Variants in ZNF609 observed in about 807,000 individuals in gnomAD.
ZNF609 encodes the protein zinc finger protein 609.
In ZNF609, 11 loss-of-function variants were observed where a neutral mutation model predicts 109.5. The ratio of observed to expected loss-of-function variants is 0.10; its 90% CI spans 0.06 to 0.17. The LOEUF (loss-of-function observed/expected upper bound fraction) is 0.17, where lower values mean the gene tolerates loss of function less well. Ranked by LOEUF, ZNF609 falls within the 10% of genes least tolerant of loss-of-function variation. The probability of loss-of-function intolerance (pLI) is 1.00; values close to 1 mark genes in which losing one functional copy is unlikely to be tolerated. For missense variants in ZNF609, 1,559 were observed against 1,772.4 expected (o/e 0.88, Z 2.16); for synonymous variants, 646 against 662.0 (o/e 0.98, Z 0.37).
At chr15:64,631,706 ATTTTT>A in intron 3 of ZNF609, 4 of 166,352 alleles carry the variant, frequency 2.4e-5, no homozygotes, top group Non-Finnish European at 4.7e-5. Context: ...CTAATTTTGT[ATTTTT>A]TTTTTTTTTT....
At chr15:64,560,258 G>A (rs1017894715) in intron 2 of ZNF609, among the ~76,000 whole-genome samples, 2 of 152,036 alleles carry the variant, frequency 1.3e-5, no homozygotes, top group African/African-American at 2.4e-5. Context: ...ATGTTGGCCT[G>A]GATGGTCTTG....
At chr15:64,505,092 G>C (rs933234073) in intron 2 of ZNF609, among the ~76,000 whole-genome samples, 2 of 152,144 alleles carry the variant, frequency 1.3e-5, no homozygotes, top group African/African-American at 4.8e-5. Flanking sequence ...AATAAACAAA[G>C]GATCTTTGAG....
chr15:64,667,960 T>G (rs997886454), intron 3 of ZNF609, among the ~76,000 whole-genome samples: 1 of 152,048 alleles, frequency 6.6e-6, no homozygotes. Context: ...GAGGGAAGCT[T>G]TAAGGAGTTG....
At chr15:64,478,993 T>C (rs960782725) in intron 1 of ZNF609, among the ~76,000 whole-genome samples, 4 of 152,208 alleles carry the variant, frequency 2.6e-5, no homozygotes, top group Non-Finnish European at 5.9e-5. Flanking sequence ...GTAAGAGAAC[T>C]TGAACATAGC....
In ZNF609 at chr15:64,538,993, C is replaced by A. The variant is rs149355602; in HGVS notation, c.747+38827C>A. On this transcript the variant is annotated intron_variant, in intron 2 of 9. Transcript: ENST00000326648. The stretch of plus-strand genomic sequence containing the variant: ...GGGGCTACATGCATGCACCACCATG[C>A]CTGACTGGTTTTTGTACATTTTTCT... Among the ~76,000 whole-genome samples, 81 of 151,998 alleles carry A rather than the reference C, an allele frequency of 5.3e-4. No homozygotes were observed. In the East Asian group the frequency reaches 0.012, roughly 23 times the overall value.
chr15:64,514,003 G>A (rs926289453), intron 2 of ZNF609, among the ~76,000 whole-genome samples: 13 of 151,016 alleles, frequency 8.6e-5, no homozygotes, highest in African/African-American at 2.7e-4. Flanking sequence ...GAGGCGGAAG[G>A]ATCACTTGAG....
intron 2 of ZNF609, among the ~76,000 whole-genome samples, chr15:64,503,381 G>C (rs1473728768): frequency 6.6e-6 from 1 of 152,220 alleles, no homozygotes; most frequent in East Asian, 1.9e-4. Context: ...GAGCCTTCCA[G>C]CTCTTGCCTG....
intron 3 of ZNF609, among the ~76,000 whole-genome samples, chr15:64,657,013 C>T (rs1896498682): frequency 6.6e-6 from 1 of 152,168 alleles, no homozygotes; most frequent in African/African-American, 2.4e-5. Flanking sequence ...AATCCCAGCA[C>T]TTTGGGAGGC....
chr15:64,619,635 A>T (rs114319769), intron 2 of ZNF609, among the ~76,000 whole-genome samples: 2 of 152,226 alleles, frequency 1.3e-5, no homozygotes, highest in African/African-American at 4.8e-5. Context: ...AAGTAATTAA[A>T]TAAAGTCATC....
At chr15:64,646,677 G>T (rs1896339979) in intron 3 of ZNF609, among the ~76,000 whole-genome samples, 1 of 143,198 alleles carries the variant, frequency 7.0e-6, no homozygotes. Flanking sequence ...GGTGGCTCAC[G>T]CCTGTAATCC....
chr15:64,565,686 T>C (rs868483467), intron 2 of ZNF609, among the ~76,000 whole-genome samples: 1 of 152,254 alleles, frequency 6.6e-6, no homozygotes, highest in South Asian at 2.1e-4. Flanking sequence ...GTTAGGAAGA[T>C]TACTAGAATA....
At chr15:64,521,395 T>C (rs939168421) in intron 2 of ZNF609, among the ~76,000 whole-genome samples, 3 of 152,302 alleles carry the variant, frequency 2.0e-5, no homozygotes, top group African/African-American at 7.2e-5. Context: ...TGGCTGGATA[T>C]GGAGTAGGGA....
intron 2 of ZNF609, among the ~76,000 whole-genome samples, chr15:64,555,315 C>G (rs569379210): frequency 6.6e-6 from 1 of 152,030 alleles, no homozygotes; most frequent in Admixed American, 6.6e-5. Context: ...TGTAGTGAGC[C>G]GAGATCACGC....
At chr15:64,563,480 A>G (rs1894716747) in intron 2 of ZNF609, among the ~76,000 whole-genome samples, 1 of 152,016 alleles carries the variant, frequency 6.6e-6, no homozygotes, top group Non-Finnish European at 1.5e-5. Context: ...AAAATAACTG[A>G]AAATTTAAAA....
intron 2 of ZNF609, among the ~76,000 whole-genome samples, chr15:64,619,835 C>G (rs1006432091): frequency 4.6e-5 from 7 of 152,184 alleles, no homozygotes; most frequent in African/African-American, 1.7e-4. Context: ...TTGAATGCAA[C>G]AGTGATGTTT....
At chr15:64,659,423 T>A (rs1296727509) in intron 3 of ZNF609, among the ~76,000 whole-genome samples, 2 of 152,208 alleles carry the variant, frequency 1.3e-5, no homozygotes, top group Admixed American at 1.3e-4. Context: ...AGAGCTACGT[T>A]AATATTTACT....
rs1196110783 is a variant in ZNF609 at position 64,597,981 on chromosome 15, T to A, written c.748-24846T>A. On this transcript the variant is annotated intron_variant, in intron 2 of 9. Coordinates refer to ENST00000326648, the MANE Select transcript of ZNF609 (RefSeq NM_015042.2). ...TTTCTTTCAAAATAAAAAGAGCATT[T>A]TAAACTAGAAAAATAAATTATCAAT... Among the ~76,000 whole-genome samples, 7 of 152,118 alleles carry A rather than the reference T, an allele frequency of 4.6e-5. No individual in the cohort carries two copies. In the South Asian group the frequency reaches 1.2e-3, roughly 27 times the overall value.
At position 64,678,208 on chromosome 15, in the gene ZNF609, C is replaced by G. The variant is rs543609336; in HGVS notation, c.3495C>G (p.Arg1165=). ...EDERWKEERD[R]KLKEERSRSK... is the part of the protein sequence containing the mutation. ...AGCGGTGGAAGGAGGAGCGGGACCG[C>G]AAATTGAAGGAGGAAAGGAGTCGGA... Residue 1165 remains arginine (R), a synonymous_variant, in exon 6 of 10, where the codon CGC becomes CGG. Transcript: ENST00000326648. 12 of 1,614,090 alleles carry G rather than the reference C, an allele frequency of 7.4e-6. No homozygotes were observed. The African/African-American group carries it at 1.3e-4, about 18-fold the overall frequency.
chr15:64,539,977 G>A (rs1028340952), intron 2 of ZNF609, among the ~76,000 whole-genome samples: 2 of 152,066 alleles, frequency 1.3e-5, no homozygotes, highest in African/African-American at 2.4e-5. Flanking sequence ...CCACCATCTT[G>A]CCCAGGCTGG....
Sources: allele counts gnomAD v4.1 joint callset (sites outside exome capture counted in the v4.1 genomes callset), GRCh38; gene constraint gnomAD v4.1.1; transcripts MANE v1.5; gene names NCBI Gene and HGNC (gene_info 2026-07-23, HGNC 2026-07-21).